Variants in EPM2A observed in about 807,000 individuals in gnomAD.
EPM2A encodes EPM2A glucan phosphatase, laforin, also known as laforin.
A neutral mutation model predicts 26.5 loss-of-function variants in EPM2A; 21 were observed. The observed-to-expected ratio is 0.79, with a 90% CI of 0.56 to 1.14. The LOEUF is 1.14. Among genes scored for constraint, EPM2A ranks in the 50% most tolerant of loss-of-function variants. EPM2A has a pLI of 0.00. For synonymous variants in EPM2A, 217 were observed against 177.6 expected (o/e 1.22, Z -1.76); for missense variants, 458 against 440.8 (o/e 1.04, Z -0.35).
chr6:145,550,466 T>G (rs929427037), intron 2 of EPM2A, among the ~76,000 whole-genome samples: 2 of 152,080 alleles, frequency 1.3e-5, no homozygotes, highest in African/African-American at 2.4e-5. Flanking sequence ...CCTCTTAGTC[T>G]GCCTGCTATC....
At chr6:145,601,034 G>A (rs1055823234) in intron 2 of EPM2A, among the ~76,000 whole-genome samples, 2 of 152,194 alleles carry the variant, frequency 1.3e-5, no homozygotes, top group African/African-American at 2.4e-5. Flanking sequence ...TTACTTGGAG[G>A]CTCTGCCTTA....
At chr6:145,542,964 G>A (rs1780534850) in intron 2 of EPM2A, among the ~76,000 whole-genome samples, 1 of 152,050 alleles carries the variant, frequency 6.6e-6, no homozygotes, top group Non-Finnish European at 1.5e-5. Context: ...TCTCCATGTT[G>A]GTCAGGTGGG....
At chr6:145,471,856 G>A (rs374588618) in intron 4 of EPM2A, among the ~76,000 whole-genome samples, 11 of 151,938 alleles carry the variant, frequency 7.2e-5, no homozygotes, top group African/African-American at 2.7e-4. Context: ...AAGTCCTAAG[G>A]CTGAACTAGG....
At chr6:145,690,501 A>T (rs1781209424) in intron 1 of EPM2A, among the ~76,000 whole-genome samples, 1 of 141,692 alleles carries the variant, frequency 7.1e-6, no homozygotes, top group African/African-American at 2.7e-5. Context: ...TGGGCGACAG[A>T]GCGAGACTCC....
At chr6:145,575,317 G>A (rs1193610022) in intron 2 of EPM2A, among the ~76,000 whole-genome samples, 2 of 152,108 alleles carry the variant, frequency 1.3e-5, no homozygotes, top group African/African-American at 2.4e-5. Context: ...CATTCCTGGC[G>A]GCAGAGTCCC....
At chr6:145,536,152 C>G (rs758676996) in intron 2 of EPM2A, among the ~76,000 whole-genome samples, 5 of 152,116 alleles carry the variant, frequency 3.3e-5, no homozygotes, top group Admixed American at 6.5e-5. Flanking sequence ...GGGGCTTACT[C>G]TGTTTTGTTT....
chr6:145,694,143 T>C (rs1253630278), intron 1 of EPM2A, among the ~76,000 whole-genome samples: 3 of 152,032 alleles, frequency 2.0e-5, no homozygotes, highest in African/African-American at 7.2e-5. Flanking sequence ...ATTATTTTAT[T>C]TGAACTATCC....
intron 4 of EPM2A, among the ~76,000 whole-genome samples, chr6:145,466,209 T>C (rs1243794830): frequency 3.4e-5 from 5 of 147,094 alleles, no homozygotes; most frequent in Non-Finnish European, 7.5e-5. Flanking sequence ...ACAGGCAACC[T>C]ACAAAATGGG....
intron 2 of EPM2A, among the ~76,000 whole-genome samples, chr6:145,671,556 G>T (rs934937107): frequency 6.6e-6 from 1 of 152,160 alleles, no homozygotes; most frequent in East Asian, 1.9e-4. Context: ...TAGTCATCTA[G>T]TTCAACCAGC....
intron 2 of EPM2A, among the ~76,000 whole-genome samples, chr6:145,679,340 A>G (rs1780323212): frequency 6.6e-6 from 1 of 152,142 alleles, no homozygotes; most frequent in African/African-American, 2.4e-5. Context: ...GCAAACCAAC[A>G]TGGCACATGT....
intron 2 of EPM2A, among the ~76,000 whole-genome samples, chr6:145,607,385 A>G (rs1775285178): frequency 6.6e-6 from 1 of 152,230 alleles, no homozygotes; most frequent in African/African-American, 2.4e-5. Flanking sequence ...GGCTTGCTCC[A>G]TGAGGCTCTG....
chr6:145,626,357 T>C lies in EPM2A; in HGVS notation c.*1059A>G, dbSNP rs2128555203. The C allele has an allele frequency of 1.0e-6, 1 of 985,998 alleles. No individual in the cohort carries two copies. Among genetic ancestry groups the C allele is most frequent in the Non-Finnish European group, 1.2e-6 (1 of 830,032 alleles). 61.1% of individuals were successfully genotyped at this position (985,998 alleles called of 1,614,324 possible). A position where few individuals can be genotyped will look rare whatever the true frequency, so the allele number is the denominator to read the frequency against. On this transcript the variant is annotated 3_prime_UTR_variant, in exon 4 of 4. Coordinates refer to ENST00000367519, the MANE Select transcript of EPM2A (RefSeq NM_005670.4). ...GATGGCCAAGGCTGTGAAGCAATTA[T>C]CCATGGATTTGGTCATTTGGGCTCT...
intron 4 of EPM2A, among the ~76,000 whole-genome samples, chr6:145,436,684 G>C (rs1217368647): frequency 1.3e-5 from 2 of 151,754 alleles, no homozygotes; most frequent in Admixed American, 1.3e-4. Flanking sequence ...TTTTAAATTT[G>C]GTTATCTTCA....
chr6:145,499,853 G>T (rs1779865085), downstream of EPM2A, among the ~76,000 whole-genome samples: 1 of 152,202 alleles, frequency 6.6e-6, no homozygotes, highest in African/African-American at 2.4e-5. Context: ...ATTTAACCAA[G>T]ATAAAGAGTT....
intron 1 of EPM2A, among the ~76,000 whole-genome samples, chr6:145,719,409 G>A (rs987193190): frequency 8.0e-5 from 12 of 149,626 alleles, no homozygotes; most frequent in Non-Finnish European, 1.5e-4. Context: ...ACTCATAGGT[G>A]GAAATTGAAC....
chr6:145,411,336 T>C (rs2114675265), intron 4 of EPM2A, among the ~76,000 whole-genome samples: 1 of 152,328 alleles, frequency 6.6e-6, no homozygotes, highest in South Asian at 2.1e-4. Context: ...TTTTCCTTGA[T>C]ACTGCTCCTG....
At chr6:145,425,116 C>CCCTCCCTTCCTTCCTT (rs1554235710) in intron 4 of EPM2A, among the ~76,000 whole-genome samples, 1 of 131,846 alleles carries the variant, frequency 7.6e-6, no homozygotes, top group Non-Finnish European at 1.6e-5. Context: ...ATGTAAGTCT[C>CCCTCCCTTCCTTCCTT]CCTTCCTTCC....
chr6:145,392,978 AT>A (rs969023443), intron 4 of EPM2A, among the ~76,000 whole-genome samples: 3 of 151,872 alleles, frequency 2.0e-5, no homozygotes, highest in Non-Finnish European at 4.4e-5. Context: ...CCAGTCTTTG[AT>A]TTTTTTTCAA....
At chr6:145,653,695 C>A (rs1222785245) in intron 2 of EPM2A, among the ~76,000 whole-genome samples, 1 of 152,206 alleles carries the variant, frequency 6.6e-6, no homozygotes, top group Non-Finnish European at 1.5e-5. Context: ...GGAAGAGCTG[C>A]AGTTCAAGTC....
Sources: gnomAD v4.1 joint callset for allele counts (sites outside exome capture counted in the v4.1 genomes callset) on GRCh38, gnomAD v4.1.1 for gene constraint, MANE v1.5 for transcripts, NCBI Gene and HGNC (gene_info 2026-07-23, HGNC 2026-07-21) for gene names.